RERE: variants seen among roughly 807,000 people sequenced by gnomAD.
RERE encodes the protein arginine-glutamic acid dipeptide repeats.
A neutral mutation model predicts 146.1 loss-of-function variants in RERE; 40 were observed. The observed-to-expected ratio is 0.27, with a 90% confidence interval of 0.21 to 0.36. RERE has a LOEUF of 0.36. Among genes scored for constraint, RERE ranks in the 10% least tolerant of loss-of-function variants. The pLI, the probability that RERE is intolerant of heterozygous loss-of-function variation, is 1.00. For missense variants in RERE, 1,933 were observed against 2,138.7 expected (o/e 0.90, Z 1.90); for synonymous variants, 1,003 against 866.0 (o/e 1.16, Z -2.78).
rs1440620061 is a variant in RERE at position 8,767,613 on chromosome 1, A to T, written c.-145+49547T>A. ...GAGTGAGGCCTTGTCTCAAAAAAAA[A>T]AAAAGAGAAAGAAAAAAAATGCTGC... On this transcript the variant is annotated intron_variant, in intron 1 of 22. Transcript: ENST00000400908. Among the ~76,000 whole-genome samples the T allele has an allele frequency of 5.3e-5, 8 of 151,840 alleles. No homozygotes were observed. The South Asian group carries it at 1.0e-3, about 20-fold the overall frequency.
chr1:8,545,565 G>A (rs1263369157), intron 6 of RERE, among the ~76,000 whole-genome samples: 9 of 151,918 alleles, frequency 5.9e-5, no homozygotes, highest in South Asian at 4.1e-4. Flanking sequence ...CAACGTGCAC[G>A]AGCACACACA....
chr1:8,638,555 CA>C (rs1647131053), intron 2 of RERE, among the ~76,000 whole-genome samples: 2 of 152,116 alleles, frequency 1.3e-5, no homozygotes, highest in Non-Finnish European at 2.9e-5. Context: ...CAAGTGGTGG[CA>C]TGGAAATAAA....
intron 3 of RERE, among the ~76,000 whole-genome samples, chr1:8,622,485 T>TAAAA (rs1646926827): frequency 2.2e-4 from 15 of 69,408 alleles, no homozygotes; most frequent in African/African-American, 8.1e-4. Context: ...CTGTATCTGT[T>TAAAA]TAAAAAAAAA....
chr1:8,774,812 T>C (rs1051422495), intron 1 of RERE, among the ~76,000 whole-genome samples: 1 of 152,140 alleles, frequency 6.6e-6, no homozygotes, highest in Non-Finnish European at 1.5e-5. Flanking sequence ...TGCTCATTCA[T>C]TGGTGGGTAT....
At chr1:8,717,413 C>G (rs1470567161) in intron 1 of RERE, among the ~76,000 whole-genome samples, 1 of 152,188 alleles carries the variant, frequency 6.6e-6, no homozygotes, top group Non-Finnish European at 1.5e-5. Flanking sequence ...CTTATGTACA[C>G]TTCACGAGTT....
At chr1:8,789,873 GGT>G (rs1355356506) in intron 1 of RERE, among the ~76,000 whole-genome samples, 1 of 152,028 alleles carries the variant, frequency 6.6e-6, no homozygotes, top group Non-Finnish European at 1.5e-5. Flanking sequence ...ATGGATCTTT[GGT>G]CAACTTATTT....
chr1:8,739,606 G>A (rs574318233), intron 1 of RERE, among the ~76,000 whole-genome samples: 11 of 152,172 alleles, frequency 7.2e-5, no homozygotes, highest in African/African-American at 2.6e-4. Flanking sequence ...AAAAGGCCCA[G>A]ATTCATTTTC....
chr1:8,361,692 G>C lies in RERE; in HGVS notation c.2016+71C>G. The C allele has an allele frequency of 2.8e-6, 4 of 1,440,462 alleles. No homozygotes were observed. The South Asian group carries it at 4.7e-5, about 17-fold the overall frequency. The allele number at this position is 1,440,462 out of a possible 1,614,324, so 89.2% of individuals were successfully genotyped here. ...GGAGACAGGGCACGGCCACCAACTA[G>C]GGAGAACCCCGGCTGGGGGCTTCTG... On this transcript the variant is annotated intron_variant, in intron 17 of 22. Coordinates refer to ENST00000400908, the MANE Select transcript of RERE (RefSeq NM_001042681.2).
At chr1:8,602,835 TAA>T (rs35838675) in intron 4 of RERE, among the ~76,000 whole-genome samples, 3 of 150,952 alleles carry the variant, frequency 2.0e-5, no homozygotes, top group African/African-American at 4.9e-5. Context: ...TTCATCTGAT[TAA>T]AAAAAAAATC....
chr1:8,455,769 A>G lies in RERE; in HGVS notation c.1203+10156T>C, dbSNP rs56806718. Reference sequence around the variant, plus strand: ...CTGTGAATACAAAAAGAATTAAACTACAACCCTGCCCTCAAGACTTCCTAG... The same window carrying G: ...CTGTGAATACAAAAAGAATTAAACTGCAACCCTGCCCTCAAGACTTCCTAG... On this transcript the variant is annotated intron_variant, in intron 11 of 22. Transcript: ENST00000400908. Among the ~76,000 whole-genome samples the G allele has an allele frequency of 1.7e-3, 265 of 152,314 alleles. 1 individual carries two copies. Among genetic ancestry groups the G allele is most frequent in the African/African-American group, 5.1e-3 (213 of 41,578 alleles).
At chr1:8,777,270 T>C (rs1569775960) in intron 1 of RERE, among the ~76,000 whole-genome samples, 1 of 151,438 alleles carries the variant, frequency 6.6e-6, no homozygotes, top group Non-Finnish European at 1.5e-5. Context: ...GATTTTCTCT[T>C]TGCCCTTCTA....
intron 11 of RERE, 122 bp from the exon 12 acceptor site, chr1:8,422,929 G>A (rs1643932187): frequency 1.4e-6 from 1 of 715,584 alleles, no homozygotes; most frequent in Non-Finnish European, 2.4e-6. Flanking sequence ...AGGGAATACT[G>A]CCGAGGCTCG....
chr1:8,768,111 C>A (rs531541416), intron 1 of RERE, among the ~76,000 whole-genome samples: 2 of 152,316 alleles, frequency 1.3e-5, no homozygotes, highest in African/African-American at 4.8e-5. Context: ...CTTCATGAGG[C>A]ATCCATTAGC....
chr1:8,366,407 C>G (rs556316210), intron 12 of RERE, among the ~76,000 whole-genome samples: 1 of 152,296 alleles, frequency 6.6e-6, no homozygotes, highest in South Asian at 2.1e-4. Context: ...TACAGTAATG[C>G]CAGTGAAATC....
chr1:8,428,543 C>T (rs963463210), intron 11 of RERE: 1 of 152,300 alleles, frequency 6.6e-6, no homozygotes, highest in South Asian at 2.1e-4. Context: ...AAGTTACCTA[C>T]CTACAAGTCC....
intron 6 of RERE, among the ~76,000 whole-genome samples, chr1:8,543,348 G>T (rs1334136716): frequency 6.6e-6 from 1 of 152,094 alleles, no homozygotes; most frequent in Non-Finnish European, 1.5e-5. Context: ...AGAAGAAATA[G>T]GTTCCTTTAG....
At chr1:8,714,838 C>T (rs2124464529) in intron 1 of RERE, among the ~76,000 whole-genome samples, 1 of 152,124 alleles carries the variant, frequency 6.6e-6, no homozygotes, top group African/African-American at 2.4e-5. Context: ...TTATTAATTC[C>T]AGGAAAGAAG....
At chr1:8,759,551 T>C (rs779576312) in intron 1 of RERE, among the ~76,000 whole-genome samples, 3 of 152,180 alleles carry the variant, frequency 2.0e-5, no homozygotes, top group Non-Finnish European at 4.4e-5. Context: ...GAACGAAAAC[T>C]GCAAAATTCT....
Position 8,362,853 on chromosome 1 carries a change from C to A in RERE, c.1741-9G>T. The A allele has an allele frequency of 1.2e-6, 2 of 1,605,192 alleles. No homozygotes were observed. The highest frequency in any genetic ancestry group is 1.9e-4 in the Middle Eastern group (1 of 5,276). ...CTGCGTAGTGTCGACATCTGCCCAC[C>A]CAAACCGAAGACTGGTGACACCAGA... On this transcript the variant is annotated splice_polypyrimidine_tract_variant and intron_variant, in intron 15 of 22. Coordinates refer to ENST00000400908, the MANE Select transcript of RERE (RefSeq NM_001042681.2).
Sources: allele counts gnomAD v4.1 joint callset (sites outside exome capture counted in the v4.1 genomes callset), GRCh38; gene constraint gnomAD v4.1.1; transcripts MANE v1.5; gene names NCBI Gene and HGNC (gene_info 2026-07-23, HGNC 2026-07-21).